The following DIS3L2 variants were observed in gnomAD, a reference collection of about 807,000 sequenced individuals.
The protein encoded by DIS3L2 is DIS3-like exonuclease 2.
A neutral mutation model predicts 97.5 loss-of-function variants in DIS3L2; 34 were observed. The observed-to-expected ratio is 0.35, with a 90% CI of 0.27 to 0.46. The LOEUF (loss-of-function observed/expected upper bound fraction) is 0.46. Among genes scored for constraint, DIS3L2 ranks in the 20% least tolerant of loss-of-function variants. DIS3L2 has a pLI of 1.00. For missense variants in DIS3L2, 1,038 were observed against 1,146.0 expected (o/e 0.91, Z 1.36); for synonymous variants, 435 against 445.2 (o/e 0.98, Z 0.29).
chr2:232,194,328 ATAAT>A (rs972691546), intron 9 of DIS3L2, among the ~76,000 whole-genome samples: 17 of 152,142 alleles, frequency 1.1e-4, no homozygotes, highest in African/African-American at 3.4e-4. Context: ...ATTTACATAA[ATAAT>A]TAAGAGAAAC....
At chr2:232,205,564 A>G (rs1001051748) in intron 9 of DIS3L2, among the ~76,000 whole-genome samples, 14 of 152,044 alleles carry the variant, frequency 9.2e-5, no homozygotes, top group Admixed American at 3.3e-4. Flanking sequence ...GGCCTCCCAA[A>G]GTGCTGGAAT....
intron 10 of DIS3L2, among the ~76,000 whole-genome samples, chr2:232,229,466 C>T (rs149256686): frequency 6.6e-6 from 1 of 152,234 alleles, no homozygotes; most frequent in East Asian, 1.9e-4. Context: ...AGCCTGTGCT[C>T]TGTCCCAGGC....
chr2:232,220,048 G>A (rs1038099109), intron 10 of DIS3L2, among the ~76,000 whole-genome samples: 3 of 151,866 alleles, frequency 2.0e-5, no homozygotes, highest in African/African-American at 7.3e-5. Flanking sequence ...AAGATAGGAG[G>A]CTCACTTAAC....
intron 3 of DIS3L2, among the ~76,000 whole-genome samples, chr2:232,023,413 A>C (rs1305539807): frequency 6.6e-6 from 1 of 152,086 alleles, no homozygotes; most frequent in South Asian, 2.1e-4. Flanking sequence ...TGTATCTTTG[A>C]GTCTTTAAAC....
chr2:232,040,519 C>T (rs917717511), intron 5 of DIS3L2, among the ~76,000 whole-genome samples: 1 of 152,176 alleles, frequency 6.6e-6, no homozygotes, highest in Non-Finnish European at 1.5e-5. Flanking sequence ...ATCAAGTTCA[C>T]CTCCCATAAC....
intron 5 of DIS3L2, among the ~76,000 whole-genome samples, chr2:232,030,471 A>G (rs1694775721): frequency 6.6e-6 from 1 of 152,232 alleles, no homozygotes; most frequent in Admixed American, 6.5e-5. Flanking sequence ...TGCTGCCTCC[A>G]GTGGAAAACC....
chr2:232,136,881 C>T (rs571961851), intron 8 of DIS3L2, among the ~76,000 whole-genome samples, 162 bp downstream of exon 8: 1 of 152,316 alleles, frequency 6.6e-6, no homozygotes, highest in South Asian at 2.1e-4. Flanking sequence ...TTAGCTGCCA[C>T]CTCAACTGAT....
intron 1 of DIS3L2, among the ~76,000 whole-genome samples, chr2:232,003,577 G>A (rs936045572): frequency 5.9e-5 from 9 of 152,014 alleles, no homozygotes; most frequent in Non-Finnish European, 1.3e-4. Flanking sequence ...GTTTTGCTCT[G>A]GTATCATTTC....
At chr2:232,267,380 G>A (rs1255414603) in intron 13 of DIS3L2, among the ~76,000 whole-genome samples, 1 of 152,152 alleles carries the variant, frequency 6.6e-6, no homozygotes, top group African/African-American at 2.4e-5. Flanking sequence ...TGACTCCTTT[G>A]TTTCATTGCT....
At chr2:232,033,589 A>G (rs1694869272) in intron 5 of DIS3L2, among the ~76,000 whole-genome samples, 1 of 152,142 alleles carries the variant, frequency 6.6e-6, no homozygotes, top group African/African-American at 2.4e-5. Flanking sequence ...CCCATTCAGT[A>G]TGATATTGGC....
chr2:232,235,286 A>G lies in DIS3L2; in HGVS notation c.1205-3247A>G, dbSNP rs1387773049. ...AAAGCCAGTATCTTTTAAAATATCA[A>G]ATTTGTCTTAAACATTTTGGCAGCA... is the stretch of plus-strand genomic sequence containing the variant. On this transcript the variant is annotated intron_variant, in intron 10 of 20. Transcript: ENST00000325385. Among the ~76,000 whole-genome samples the G allele has an allele frequency of 2.0e-5, 3 of 152,240 alleles. No individual in the cohort carries two copies. In the East Asian group the frequency reaches 5.8e-4, roughly 29 times the overall value.
chr2:232,089,065 C>G (rs754607972), intron 6 of DIS3L2, among the ~76,000 whole-genome samples: 2 of 152,132 alleles, frequency 1.3e-5, no homozygotes, highest in Non-Finnish European at 2.9e-5. Flanking sequence ...AGCATATGTC[C>G]CCCCAGCGTA....
chr2:232,025,378 TTATTGTTATTGTTACAATA>T (rs1694628797), intron 4 of DIS3L2, among the ~76,000 whole-genome samples: 2 of 152,326 alleles, frequency 1.3e-5, no homozygotes, highest in Non-Finnish European at 2.9e-5. Context: ...TCAAGTGATA[TTATTGTTATTGTTACAATA>T]ACCTTATGAC....
intron 1 of DIS3L2, among the ~76,000 whole-genome samples, chr2:231,998,324 T>C (rs1242178186): frequency 6.6e-6 from 1 of 152,216 alleles, no homozygotes; most frequent in Non-Finnish European, 1.5e-5. Flanking sequence ...TATCAGGAAC[T>C]CATTTCTGTG....
intron 6 of DIS3L2, among the ~76,000 whole-genome samples, chr2:232,126,735 G>T (rs1291320673): frequency 6.6e-6 from 1 of 152,188 alleles, no homozygotes; most frequent in African/African-American, 2.4e-5. Context: ...AGAAGAGGCT[G>T]GATAATTGGG....
intron 14 of DIS3L2, among the ~76,000 whole-genome samples, chr2:232,308,210 T>A (rs1186686246): frequency 6.6e-6 from 1 of 152,208 alleles, no homozygotes; most frequent in Non-Finnish European, 1.5e-5. Flanking sequence ...GCAGTTGCCC[T>A]GAATACCTGC....
chr2:232,306,427 G>C (rs531697808), intron 14 of DIS3L2, among the ~76,000 whole-genome samples: 59 of 152,146 alleles, frequency 3.9e-4, no homozygotes, highest in Admixed American at 9.2e-4. Context: ...CCGGCCCCCA[G>C]TTGCCACGGT....
chr2:232,014,407 A>G (rs1200696457), intron 1 of DIS3L2, among the ~76,000 whole-genome samples: 2 of 152,208 alleles, frequency 1.3e-5, no homozygotes, highest in Non-Finnish European at 2.9e-5. Context: ...ATAGAGGTAT[A>G]TCATTTGTCC....
intron 17 of DIS3L2, 142 bp downstream of exon 17, chr2:232,334,129 GGCCTGGAAAC>G: frequency 7.2e-7 from 1 of 1,381,650 alleles, no homozygotes; most frequent in Non-Finnish European, 9.6e-7. Context: ...AGGGGAGCCT[GGCCTGGAAAC>G]TCTCCCTACG....
Sources: allele counts gnomAD v4.1 joint callset (sites outside exome capture counted in the v4.1 genomes callset), GRCh38; gene constraint gnomAD v4.1.1; transcripts MANE v1.5; gene names NCBI Gene and HGNC (gene_info 2026-07-23, HGNC 2026-07-21).